KHDRBS2: variants seen among roughly 807,000 people sequenced by gnomAD.
KHDRBS2 encodes KH domain-containing, RNA-binding, signal transduction-associated protein 2.
KHDRBS2 carries 26 observed loss-of-function variants against 44.3 expected under a neutral mutation model. The observed-to-expected ratio is 0.59, with a 90% CI of 0.43 to 0.81. KHDRBS2 has a LOEUF of 0.81. Ranked by LOEUF, KHDRBS2 falls within the 40% of genes least tolerant of loss-of-function variation. KHDRBS2 has a pLI of 0.00. For synonymous variants in KHDRBS2, 194 were observed against 151.1 expected, an observed-to-expected ratio of 1.28 and a Z score of -2.08; for missense variants, 476 against 433.1, an observed-to-expected ratio of 1.10 and a Z score of -0.88.
intron 6 of KHDRBS2, among the ~76,000 whole-genome samples, chr6:61,790,044 A>G (rs1784398298): frequency 2.6e-5 from 4 of 151,468 alleles, no homozygotes. Context: ...GGTGCTAGTG[A>G]ATTGACTCAG....
the KHDRBS2 span, among the ~76,000 whole-genome samples, chr6:61,613,099 G>C: frequency 6.6e-6 from 1 of 151,940 alleles, no homozygotes; most frequent in Non-Finnish European, 1.5e-5. Flanking sequence ...TGATCCTCCC[G>C]CCTTGGCCTC....
In KHDRBS2 at chr6:61,818,265, G is replaced by GGA. The variant is rs1789298368; in HGVS notation, c.810+76369_810+76370insTC. 2.4e-4 allele frequency among the ~76,000 whole-genome samples: 17 copies of GGA among 71,366 alleles called. 1 individual carries two copies. The highest frequency in any genetic ancestry group is 1.3e-3 in the African/African-American group (14 of 10,992). 46.8% of individuals were successfully genotyped at this position (71,366 alleles called of 152,430 possible). A position where few individuals can be genotyped will look rare whatever the true frequency, so the allele number is the denominator to read the frequency against. ...TATTGGGCAGAGAAAACCTCTGTAA[G>GGA]TAAAAAAAAAAAAAAAAAGGATAGT... On this transcript the variant is annotated intron_variant, in intron 6 of 8. Transcript: ENST00000281156.
intron 2 of KHDRBS2, among the ~76,000 whole-genome samples, chr6:62,122,151 A>G (rs1432753419): frequency 6.6e-6 from 1 of 152,200 alleles, no homozygotes; most frequent in Admixed American, 6.5e-5. Context: ...CACTTGGGCC[A>G]TATGACCCAG....
the KHDRBS2 span, among the ~76,000 whole-genome samples, chr6:61,597,111 C>T: frequency 6.6e-6 from 1 of 152,140 alleles, no homozygotes; most frequent in Non-Finnish European, 1.5e-5. Flanking sequence ...GTATCTTAAA[C>T]AAAAGTAAGA....
intron 2 of KHDRBS2, among the ~76,000 whole-genome samples, chr6:62,169,034 C>CCTATATATATATATATAT (rs1819274841): frequency 1.4e-5 from 1 of 72,582 alleles, no homozygotes. Flanking sequence ...GTTCTCCAGT[C>CCTATATATATATATATAT]ATATATATAT....
the KHDRBS2 span, among the ~76,000 whole-genome samples, chr6:61,587,838 A>G: frequency 6.6e-6 from 1 of 151,480 alleles, no homozygotes; most frequent in African/African-American, 2.5e-5. Flanking sequence ...ATCATTTCAA[A>G]TGACTAGTCT....
At chr6:62,250,406 T>G (rs1836318329) in intron 1 of KHDRBS2, among the ~76,000 whole-genome samples, 1 of 152,072 alleles carries the variant, frequency 6.6e-6, no homozygotes, top group Non-Finnish European at 1.5e-5. Flanking sequence ...ATTTGTTTTG[T>G]GTACTTAAAT....
the KHDRBS2 span, among the ~76,000 whole-genome samples, chr6:61,626,706 T>A: frequency 2.0e-5 from 3 of 152,236 alleles, no homozygotes; most frequent in Non-Finnish European, 4.4e-5. Context: ...TAGAAAAATA[T>A]GCTGTCTATG....
rs538304100 is a variant in KHDRBS2, at chr6:61,931,714, C to G, written c.484-30343G>C. 1.8e-4 allele frequency among the ~76,000 whole-genome samples: 28 copies of G among 152,230 alleles called. No homozygotes were observed. The South Asian group carries it at 4.4e-3, about 24-fold the overall frequency. ...GAAGTACAGTTACCCTTGAACAACA[C>G]AGGTTTGAACTGCTCAGGTCTACTT... On this transcript the variant is annotated intron_variant, in intron 4 of 8. Coordinates refer to ENST00000281156, the MANE Select transcript of KHDRBS2 (RefSeq NM_152688.4).
At chr6:62,132,801 T>C (rs373645559) in intron 2 of KHDRBS2, among the ~76,000 whole-genome samples, 1 of 152,344 alleles carries the variant, frequency 6.6e-6, no homozygotes, top group African/African-American at 2.4e-5. Flanking sequence ...TTCTAATGGA[T>C]TTTATGAAAA....
At chr6:61,791,592 C>A (rs1784649640) in intron 6 of KHDRBS2, among the ~76,000 whole-genome samples, 1 of 151,356 alleles carries the variant, frequency 6.6e-6, no homozygotes, top group Non-Finnish European at 1.5e-5. Flanking sequence ...GTTTTAGAGT[C>A]TTTTCATGAT....
chr6:62,185,305 G>T (rs1823204303), intron 1 of KHDRBS2, among the ~76,000 whole-genome samples: 1 of 151,796 alleles, frequency 6.6e-6, no homozygotes, highest in Admixed American at 6.6e-5. Context: ...AAATAAAATG[G>T]GTAATTTCTC....
chr6:62,202,268 C>A (rs1827150849), intron 1 of KHDRBS2, among the ~76,000 whole-genome samples: 1 of 152,006 alleles, frequency 6.6e-6, no homozygotes, highest in South Asian at 2.1e-4. Context: ...ACTCCCACAC[C>A]AACTGTGACT....
At chr6:61,563,299 C>T in the KHDRBS2 span, among the ~76,000 whole-genome samples, 2 of 151,974 alleles carry the variant, frequency 1.3e-5, no homozygotes, top group South Asian at 4.1e-4. Context: ...AATATGAGGT[C>T]CTTGGGAAGT....
intron 6 of KHDRBS2, among the ~76,000 whole-genome samples, chr6:61,810,354 A>T (rs1787917775): frequency 6.6e-6 from 1 of 152,050 alleles, no homozygotes; most frequent in Non-Finnish European, 1.5e-5. Flanking sequence ...AGCAGGCCAG[A>T]ATGGAGTGGC....
intron 2 of KHDRBS2, among the ~76,000 whole-genome samples, chr6:62,084,009 T>G (rs1372896037): frequency 6.6e-6 from 1 of 152,220 alleles, no homozygotes; most frequent in Admixed American, 6.5e-5. Context: ...TTTCTAATTT[T>G]CATACGTTAG....
chr6:62,200,396 A>G (rs1826692305), intron 1 of KHDRBS2, among the ~76,000 whole-genome samples: 1 of 152,180 alleles, frequency 6.6e-6, no homozygotes, highest in African/African-American at 2.4e-5. Context: ...CAAGAAAAAA[A>G]CAAACAACCC....
At chr6:62,022,706 A>T (rs1584216058) in intron 3 of KHDRBS2, among the ~76,000 whole-genome samples, 1 of 151,722 alleles carries the variant, frequency 6.6e-6, no homozygotes, top group South Asian at 2.1e-4. Flanking sequence ...ACCATAAAAA[A>T]CATTCAAAGA....
At chr6:62,051,685 C>T (rs1333818611) in intron 2 of KHDRBS2, among the ~76,000 whole-genome samples, 1 of 151,928 alleles carries the variant, frequency 6.6e-6, no homozygotes, top group East Asian at 1.9e-4. Context: ...AAACAATCGC[C>T]AAACTGGAAC....
Sources: allele counts gnomAD v4.1 joint callset (sites outside exome capture counted in the v4.1 genomes callset), GRCh38; gene constraint gnomAD v4.1.1; transcripts MANE v1.5; gene names NCBI Gene and HGNC (gene_info 2026-07-23, HGNC 2026-07-21).